Variants in RAMP1 observed in about 807,000 individuals in gnomAD.
RAMP1 encodes the protein receptor activity-modifying protein 1.
RAMP1 carries 7 observed loss-of-function variants against 8.2 expected under a neutral mutation model. The ratio of observed to expected loss-of-function variants is 0.85; its 90% confidence interval spans 0.49 to 1.60. The LOEUF is 1.60. Ranked by LOEUF, RAMP1 falls within the 40% of genes most tolerant of loss-of-function variation. The probability of loss-of-function intolerance (pLI) is 0.00; values close to 1 mark genes in which losing one functional copy is unlikely to be tolerated. For missense variants in RAMP1, 192 were observed against 202.4 expected (o/e 0.95, Z 0.31); for synonymous variants, 92 against 84.7 (o/e 1.09, Z -0.47).
chr2:237,871,500 T>C (rs77182426), intron 1 of RAMP1, among the ~76,000 whole-genome samples: 9,855 of 152,206 alleles, frequency 0.065, 609 homozygotes, highest in African/African-American at 0.16. Context: ...GGACAGATCG[T>C]GGCAACTGAA....
At chr2:237,876,653 G>A (rs927940547) in intron 1 of RAMP1, among the ~76,000 whole-genome samples, 1 of 129,164 alleles carries the variant, frequency 7.7e-6, no homozygotes. Flanking sequence ...CGCCACCCCC[G>A]CCCCCACCCA....
chr2:237,911,034 T>C (rs970523098), intron 2 of RAMP1, among the ~76,000 whole-genome samples: 5 of 148,728 alleles, frequency 3.4e-5, no homozygotes, highest in Non-Finnish European at 5.9e-5. Context: ...AGAATAACAC[T>C]GTCACACATT....
intron 2 of RAMP1, among the ~76,000 whole-genome samples, chr2:237,896,048 G>T (rs964063617): frequency 5.9e-5 from 9 of 152,192 alleles, no homozygotes; most frequent in African/African-American, 2.2e-4. Flanking sequence ...GCCCACAATG[G>T]GCACAGCTCA....
intron 2 of RAMP1, among the ~76,000 whole-genome samples, chr2:237,883,603 C>T (rs1224566617): frequency 6.6e-6 from 1 of 152,092 alleles, no homozygotes; most frequent in African/African-American, 2.4e-5. Context: ...ATTACTTAAG[C>T]CCAGGAGTGT....
Position 237,877,184 on chromosome 2 carries a change from G to A in RAMP1, c.53-40G>A. 1.2e-6 allele frequency: 2 copies of A among 1,612,022 alleles called. No homozygotes were observed. Among genetic ancestry groups the A allele is most frequent in the Non-Finnish European group, 1.7e-6 (2 of 1,179,910 alleles). On this transcript the variant is annotated intron_variant, in intron 1 of 2. Coordinates refer to ENST00000254661, the MANE Select transcript of RAMP1 (RefSeq NM_005855.4). This position sits in a 1 kb window ranked among gnomAD's most constrained non-coding sequence, Gnocchi z 4.4. ...CTGGCGGTGATACCCCTAGGCCTCT[G>A]CTGCCGCCCGCCATCTCTTCATGGC... is the stretch of plus-strand genomic sequence containing the variant.
chr2:237,879,969 G>A (rs753815593), intron 2 of RAMP1, among the ~76,000 whole-genome samples: 43 of 129,172 alleles, frequency 3.3e-4, no homozygotes, highest in Middle Eastern at 0.01. Context: ...CAGCCTGAGG[G>A]ACAGAGTGAG....
chr2:237,864,612 G>A (rs568499091), intron 1 of RAMP1, among the ~76,000 whole-genome samples: 3 of 152,328 alleles, frequency 2.0e-5, no homozygotes, highest in Non-Finnish European at 4.4e-5. Flanking sequence ...GGACACCCAG[G>A]GTCAGGACTC....
chr2:237,895,273 G>A (rs181894790), intron 2 of RAMP1, among the ~76,000 whole-genome samples: 92 of 152,258 alleles, frequency 6.0e-4, no homozygotes, highest in African/African-American at 2.2e-3. Context: ...CTGTGCAAAG[G>A]GGTCCTGTGG....
chr2:237,878,175 C>T lies in RAMP1; in HGVS notation c.191+813C>T, dbSNP rs1394137302. 7.1e-6 allele frequency: 7 copies of T among 985,086 alleles called. 1 individual carries two copies. The South Asian group carries it at 1.9e-4, about 26-fold the overall frequency. The allele number at this position is 985,086 out of a possible 1,614,324, so 61.0% of individuals were successfully genotyped here. A position where few individuals can be genotyped will look rare whatever the true frequency, so the allele number is the denominator to read the frequency against. Reference sequence around the variant, plus strand: ...CACCGCCTCCCTGCCATGCAAACTTCGCACAGAGATCTGTCTGTGGGTTCA... The same window carrying T: ...CACCGCCTCCCTGCCATGCAAACTTTGCACAGAGATCTGTCTGTGGGTTCA... On this transcript the variant is annotated intron_variant, in intron 2 of 2. Transcript: ENST00000254661. This position sits in a 1 kb window ranked among gnomAD's most constrained non-coding sequence, Gnocchi z 5.7.
chr2:237,877,374 G>A lies in RAMP1; in HGVS notation c.191+12G>A, dbSNP rs1348536243. On this transcript the variant is annotated intron_variant, in intron 2 of 2. Coordinates refer to ENST00000254661, the MANE Select transcript of RAMP1 (RefSeq NM_005855.4). This position sits in a 1 kb window ranked among gnomAD's most constrained non-coding sequence, Gnocchi z 4.4. ...GGCAGGACCATCAGGTGAGTCCCAT[G>A]GCCCCTGGTGGGCAGGACACGGTTG... The A allele has an allele frequency of 1.9e-6, 3 of 1,607,660 alleles. No homozygotes were observed. The highest frequency in any genetic ancestry group is 2.5e-6 in the Non-Finnish European group (3 of 1,176,764).
chr2:237,860,868 A>G lies in RAMP1; in HGVS notation c.52+1141A>G, dbSNP rs572766681. Reference sequence around the variant, plus strand: ...CCATGGATTTCTGTTCCCTATTTGTAAACCTCTCCAAGGGGTGGCAGATCT... The same window carrying G: ...CCATGGATTTCTGTTCCCTATTTGTGAACCTCTCCAAGGGGTGGCAGATCT... On this transcript the variant is annotated intron_variant, in intron 1 of 2. Transcript: ENST00000254661. Among the ~76,000 whole-genome samples the G allele has an allele frequency of 1.7e-3, 265 of 152,260 alleles. 2 individuals are homozygous for G. Among genetic ancestry groups the G allele is most frequent in the African/African-American group, 6.3e-3 (262 of 41,546 alleles).
At chr2:237,893,380 G>A (rs963527104) in intron 2 of RAMP1, among the ~76,000 whole-genome samples, 1 of 152,198 alleles carries the variant, frequency 6.6e-6, no homozygotes, top group Non-Finnish European at 1.5e-5. Context: ...AGAAGCTTTG[G>A]TGTGCAGTGC....
At chr2:237,902,723 G>T (rs2062615742) in intron 2 of RAMP1, among the ~76,000 whole-genome samples, 1 of 152,228 alleles carries the variant, frequency 6.6e-6, no homozygotes, top group African/African-American at 2.4e-5. Flanking sequence ...AGAGCCCTCT[G>T]GTGGGAAGAC....
chr2:237,903,300 G>A (rs765127137), intron 2 of RAMP1, among the ~76,000 whole-genome samples: 1 of 152,154 alleles, frequency 6.6e-6, no homozygotes, highest in Non-Finnish European at 1.5e-5. Flanking sequence ...TTATAAATCT[G>A]CAGTGGACAC....
chr2:237,885,814 G>T (rs909149445), intron 2 of RAMP1, among the ~76,000 whole-genome samples: 1 of 152,178 alleles, frequency 6.6e-6, no homozygotes, highest in African/African-American at 2.4e-5. Context: ...GCCCCCCCTG[G>T]GTGGGAGAAT....
intron 2 of RAMP1, among the ~76,000 whole-genome samples, chr2:237,897,290 C>T (rs562217269): frequency 6.6e-6 from 1 of 152,282 alleles, no homozygotes; most frequent in East Asian, 1.9e-4. Flanking sequence ...AGGCCATGAG[C>T]GAGGGGAGGT....
intron 2 of RAMP1, among the ~76,000 whole-genome samples, chr2:237,886,482 C>T (rs2062434517): frequency 2.6e-5 from 4 of 152,122 alleles, no homozygotes; most frequent in Admixed American, 2.6e-4. Flanking sequence ...GCCCCATTTC[C>T]CTTCTCAGAA....
intron 2 of RAMP1, among the ~76,000 whole-genome samples, chr2:237,895,079 C>T (rs920254284): frequency 1.3e-5 from 2 of 152,184 alleles, no homozygotes; most frequent in Admixed American, 1.3e-4. Context: ...GGACCTCCCC[C>T]TCCCTCCTGG....
rs183432725 is a variant in RAMP1, at chr2:237,859,976, G to T, written c.52+249G>T. 2,685 of 405,426 alleles carry T rather than the reference G, an allele frequency of 6.6e-3. 15 individuals carry two copies. The highest frequency in any genetic ancestry group is 8.7e-3 in the Non-Finnish European group (1,977 of 226,914). The allele number at this position is 405,426 out of a possible 1,614,324, so 25.1% of individuals were successfully genotyped here. On this transcript the variant is annotated intron_variant, in intron 1 of 2. Coordinates refer to ENST00000254661, the MANE Select transcript of RAMP1 (RefSeq NM_005855.4). ...GGGAAGGGACGGCTTTGGGGACGTC[G>T]GAGAGCGGGCATTCTGGAAAGCGTG... is the stretch of plus-strand genomic sequence containing the variant.
Sources: allele counts gnomAD v4.1 joint callset (sites outside exome capture counted in the v4.1 genomes callset), GRCh38; gene constraint gnomAD v4.1.1; non-coding constraint Gnocchi (gnomAD v3.1); transcripts MANE v1.5; gene names NCBI Gene and HGNC (gene_info 2026-07-23, HGNC 2026-07-21).